The following MAML2 variants were observed in gnomAD, a reference collection of about 807,000 sequenced individuals.
MAML2 encodes mastermind-like protein 2.
Under a neutral mutation model 96.1 loss-of-function variants are expected in MAML2, and 22 were observed. The observed-to-expected ratio is 0.23, with a 90% CI of 0.16 to 0.33. The LOEUF is 0.33. MAML2 is among the 10% of genes least tolerant of loss of function. The pLI, the probability that MAML2 is intolerant of heterozygous loss-of-function variation, is 1.00. For missense variants in MAML2, 1,367 were observed against 1,392.4 expected, an observed-to-expected ratio of 0.98 and a Z score of 0.29; for synonymous variants, 561 against 521.3, an observed-to-expected ratio of 1.08 and a Z score of -1.04.
intron 1 of MAML2, among the ~76,000 whole-genome samples, chr11:96,195,867 C>T (rs907218373): frequency 6.6e-6 from 1 of 152,130 alleles, no homozygotes; most frequent in Non-Finnish European, 1.5e-5. Context: ...TTTTTCCTCT[C>T]GTGCTGATTT....
intron 3 of MAML2, among the ~76,000 whole-genome samples, chr11:95,990,496 TAGAA>T (rs1452015153): frequency 6.6e-6 from 1 of 152,026 alleles, no homozygotes; most frequent in Non-Finnish European, 1.5e-5. Flanking sequence ...ATTCGGTAGA[TAGAA>T]AGTTCTTTCT....
In MAML2 at chr11:96,342,735, C is replaced by T. The variant is rs1303005169; in HGVS notation, c.-840G>A. ...AAAATCCTCACTCCCTCTAAGGTTT[C>T]CTAGCCTTAAATGAAAAGCAATCTT... On this transcript the variant is annotated 5_prime_UTR_variant, in exon 1 of 5. Coordinates refer to ENST00000524717, the MANE Select transcript of MAML2 (RefSeq NM_032427.4). The T allele has an allele frequency of 3.1e-6, 1 of 324,982 alleles. No individual in the cohort carries two copies. The highest frequency in any genetic ancestry group is 4.9e-5 in the Admixed American group (1 of 20,506). 20.1% of individuals were successfully genotyped at this position (324,982 alleles called of 1,614,324 possible).
At chr11:96,299,811 T>C (rs963301242) in intron 1 of MAML2, among the ~76,000 whole-genome samples, 5 of 152,176 alleles carry the variant, frequency 3.3e-5, no homozygotes, top group African/African-American at 1.2e-4. Flanking sequence ...TGACTTTATA[T>C]GTACTTCCCA....
At chr11:95,985,806 T>C (rs1452314207) in intron 3 of MAML2, among the ~76,000 whole-genome samples, 164 bp from the exon 4 acceptor site, 1 of 152,234 alleles carries the variant, frequency 6.6e-6, no homozygotes, top group Non-Finnish European at 1.5e-5. Context: ...GACAAATCTT[T>C]TCAATTTCAA....
chr11:96,253,888 T>A (rs139581139), intron 1 of MAML2, among the ~76,000 whole-genome samples: 64 of 152,316 alleles, frequency 4.2e-4, no homozygotes, highest in African/African-American at 1.5e-3. Flanking sequence ...CCAGATAGAT[T>A]TTCTCCATGA....
chr11:96,192,070 G>T (rs561304977), intron 1 of MAML2, among the ~76,000 whole-genome samples: 1 of 152,294 alleles, frequency 6.6e-6, no homozygotes, highest in Admixed American at 6.5e-5. Context: ...TTACACGTCT[G>T]CAGTTTCCCA....
At chr11:96,314,135 T>C (rs1006535737) in intron 1 of MAML2, among the ~76,000 whole-genome samples, 1 of 152,224 alleles carries the variant, frequency 6.6e-6, no homozygotes, top group African/African-American at 2.4e-5. Context: ...GGGAACTTTC[T>C]AAGGTCTCCT....
chr11:96,114,724 G>A (rs1860204711), intron 1 of MAML2, among the ~76,000 whole-genome samples: 1 of 152,212 alleles, frequency 6.6e-6, no homozygotes, highest in South Asian at 2.1e-4. Flanking sequence ...CTTGAGAACT[G>A]GTTAAATGGC....
intron 2 of MAML2, among the ~76,000 whole-genome samples, chr11:96,026,942 T>A (rs1301972639): frequency 6.6e-6 from 1 of 152,064 alleles, no homozygotes; most frequent in East Asian, 1.9e-4. Flanking sequence ...CTAACACCTA[T>A]AACAGTCCCT....
chr11:96,184,886 G>A (rs1476026682), intron 1 of MAML2, among the ~76,000 whole-genome samples: 1 of 152,058 alleles, frequency 6.6e-6, no homozygotes, highest in Non-Finnish European at 1.5e-5. Context: ...GAGCCACTGC[G>A]CCCAGCCCAA....
chr11:96,196,819 T>C (rs960208405), intron 1 of MAML2, among the ~76,000 whole-genome samples: 3 of 152,144 alleles, frequency 2.0e-5, no homozygotes, highest in African/African-American at 7.2e-5. Context: ...AACCATTCTT[T>C]TTTTGTTCTC....
At chr11:96,195,300 A>G (rs1340017915) in intron 1 of MAML2, among the ~76,000 whole-genome samples, 2 of 152,250 alleles carry the variant, frequency 1.3e-5, no homozygotes, top group African/African-American at 2.4e-5. Context: ...GTTTACAGGA[A>G]CACCTAAATT....
chr11:96,108,082 C>G (rs1757585521), intron 1 of MAML2, among the ~76,000 whole-genome samples: 1 of 152,206 alleles, frequency 6.6e-6, no homozygotes, highest in African/African-American at 2.4e-5. Flanking sequence ...CAACCTAAGG[C>G]TTGTGACTGG....
chr11:96,208,671 C>A (rs1565249239), intron 1 of MAML2, among the ~76,000 whole-genome samples: 1 of 152,040 alleles, frequency 6.6e-6, no homozygotes, highest in Non-Finnish European at 1.5e-5. Context: ...TTTAACACCC[C>A]CCAAAGATAA....
At position 96,087,700 on chromosome 11, in the gene MAML2, G is replaced by A. The variant is rs564363229; in HGVS notation, c.2139+4192C>T. 1.1e-4 allele frequency among the ~76,000 whole-genome samples: 17 copies of A among 152,214 alleles called. No individual in the cohort carries two copies. The South Asian group carries it at 3.3e-3, about 30-fold the overall frequency. On this transcript the variant is annotated intron_variant, in intron 2 of 4. Transcript: ENST00000524717. ...TCAGCTTTTTTAGGACTTTGGCTTG[G>A]TTTTACTTTGGCCCTCCAGGCTCCT...
intron 1 of MAML2, among the ~76,000 whole-genome samples, chr11:96,286,128 G>A (rs1274487639): frequency 6.6e-6 from 1 of 152,194 alleles, no homozygotes; most frequent in East Asian, 1.9e-4. Flanking sequence ...TATTCACCAT[G>A]GAATACTATA....
intron 1 of MAML2, among the ~76,000 whole-genome samples, chr11:96,140,563 T>C (rs533708092): frequency 4.9e-4 from 74 of 152,248 alleles, no homozygotes; most frequent in Non-Finnish European, 7.9e-4. Context: ...GCTGACTTTA[T>C]ACCAGAGCTC....
intron 1 of MAML2, among the ~76,000 whole-genome samples, chr11:96,251,478 A>T (rs1034101157): frequency 6.6e-6 from 1 of 152,230 alleles, no homozygotes; most frequent in African/African-American, 2.4e-5. Flanking sequence ...ATTTTGGAAG[A>T]CAGAACTTAT....
At chr11:96,289,461 G>C (rs930398308) in intron 1 of MAML2, among the ~76,000 whole-genome samples, 2 of 152,116 alleles carry the variant, frequency 1.3e-5, no homozygotes, top group Non-Finnish European at 2.9e-5. Context: ...ATGAATGAGT[G>C]ACCTGCAACT....
Sources: gnomAD v4.1 joint callset for allele counts (sites outside exome capture counted in the v4.1 genomes callset) on GRCh38, gnomAD v4.1.1 for gene constraint, MANE v1.5 for transcripts, NCBI Gene and HGNC (gene_info 2026-07-23, HGNC 2026-07-21) for gene names.